The following SLCO1A2 variants were observed in gnomAD, a reference collection of about 807,000 sequenced individuals.
SLCO1A2 encodes solute carrier organic anion transporter family member 1A2, also known as OATP-1.
Under a neutral mutation model 69.0 loss-of-function variants are expected in SLCO1A2, and 67 were observed. That is an observed-to-expected ratio of 0.97 (90% CI 0.80 to 1.19). The LOEUF is 1.19. SLCO1A2 is among the 50% of genes most tolerant of loss of function. SLCO1A2 has a pLI of 0.00. For missense variants in SLCO1A2, 787 were observed against 793.7 expected (o/e 0.99, Z 0.10); for synonymous variants, 260 against 265.9 (o/e 0.98, Z 0.22).
At chr12:21,318,985 G>A in intron 2 of SLCO1A2, 62 bp from the exon 3 acceptor site, 2 of 1,305,556 alleles carry the variant, frequency 1.5e-6, no homozygotes, top group Middle Eastern at 2.7e-4. Context: ...CTTGCCGTCT[G>A]TTGACAAAAT....
At chr12:21,398,198 A>C (rs2137180857), upstream of SLCO1A2, among the ~76,000 whole-genome samples, 1 of 151,064 alleles carries the variant, frequency 6.6e-6, no homozygotes. Flanking sequence ...GGATGTCACC[A>C]CCGATCCCAC....
intron 3 of SLCO1A2, among the ~76,000 whole-genome samples, chr12:21,317,599 G>A (rs369620413): frequency 6.6e-6 from 1 of 152,084 alleles, no homozygotes; most frequent in Non-Finnish European, 1.5e-5. Flanking sequence ...GAGTCAATTC[G>A]TGGGCTATAC....
chr12:21,343,223 T>A (rs891757493), intron 2 of SLCO1A2, among the ~76,000 whole-genome samples: 1 of 152,168 alleles, frequency 6.6e-6, no homozygotes, highest in African/African-American at 2.4e-5. Flanking sequence ...GAGACATGGT[T>A]GCCCATTTTC....
chr12:21,391,465 A>G (rs1941148314), intron 1 of SLCO1A2, among the ~76,000 whole-genome samples: 1 of 152,190 alleles, frequency 6.6e-6, no homozygotes, highest in Non-Finnish European at 1.5e-5. Context: ...AGGAAGGAAA[A>G]ATTATAATCC....
chr12:21,286,909 A>G (rs549871367), intron 12 of SLCO1A2, among the ~76,000 whole-genome samples: 7,125 of 151,718 alleles, frequency 0.047, 552 homozygotes, highest in African/African-American at 0.16. Flanking sequence ...TAAAAACCCT[A>G]GAAGAAAACC....
At chr12:21,378,288 C>T (rs757281888) in intron 1 of SLCO1A2, 1 of 1,614,196 alleles carries the variant, frequency 6.2e-7, no homozygotes, top group South Asian at 1.1e-5. Flanking sequence ...CAACGCAGCG[C>T]CTGGCAAATT....
intron 3 of SLCO1A2, among the ~76,000 whole-genome samples, chr12:21,317,726 T>C (rs1951058234): frequency 6.6e-6 from 1 of 152,176 alleles, no homozygotes; most frequent in Admixed American, 6.5e-5. Flanking sequence ...GTTTTGCTTC[T>C]CCTCAATCCT....
At chr12:21,320,423 C>T (rs548876777) in intron 2 of SLCO1A2, among the ~76,000 whole-genome samples, 128 of 152,240 alleles carry the variant, frequency 8.4e-4, no homozygotes, top group African/African-American at 3.0e-3. Flanking sequence ...GCTCTTGAAT[C>T]CATTCTTCCC....
At chr12:21,277,321 G>C (rs1944046569) in intron 12 of SLCO1A2, among the ~76,000 whole-genome samples, 1 of 151,106 alleles carries the variant, frequency 6.6e-6, no homozygotes, top group African/African-American at 2.4e-5. Context: ...GTCTTGAAGA[G>C]AAGGACTCAG....
At chr12:21,410,358 G>C (rs1446197028) in intron 1 of SLCO1A2, among the ~76,000 whole-genome samples, 1 of 152,138 alleles carries the variant, frequency 6.6e-6, no homozygotes, top group Non-Finnish European at 1.5e-5. Flanking sequence ...TATATAGAGA[G>C]ATCGAGGCTA....
intron 12 of SLCO1A2, among the ~76,000 whole-genome samples, chr12:21,289,848 T>C (rs556558307): frequency 6.6e-6 from 1 of 152,130 alleles, no homozygotes; most frequent in East Asian, 1.9e-4. Context: ...ACCGTTTAAC[T>C]TTTGCCATCT....
intron 12 of SLCO1A2, among the ~76,000 whole-genome samples, chr12:21,277,310 T>C (rs1468046826): frequency 6.7e-6 from 1 of 149,650 alleles, no homozygotes; most frequent in East Asian, 1.9e-4. Context: ...GGGAACCTGC[T>C]GTCTTGAAGA....
intron 2 of SLCO1A2, among the ~76,000 whole-genome samples, chr12:21,370,170 A>G (rs1337089878): frequency 6.6e-6 from 1 of 152,184 alleles, no homozygotes; most frequent in Admixed American, 6.5e-5. Context: ...TGTAACCTTA[A>G]GCAAGTCACT....
upstream of SLCO1A2, among the ~76,000 whole-genome samples, chr12:21,339,297 G>C (rs147783865): frequency 4.1e-3 from 622 of 152,088 alleles, 2 homozygotes; most frequent in Non-Finnish European, 7.5e-3. Flanking sequence ...ATGATAGCTA[G>C]TTAGTGCCAT....
chr12:21,352,865 G>A (rs1043491774), intron 2 of SLCO1A2, among the ~76,000 whole-genome samples: 6 of 152,196 alleles, frequency 3.9e-5, no homozygotes, highest in Non-Finnish European at 5.9e-5. Context: ...ATCTCAGTAA[G>A]CTTGGCCAGT....
chr12:21,413,237 C>CTTTTTTTTTTTT lies in SLCO1A2; in HGVS notation c.-312+4633_-312+4644dup, dbSNP rs3983534. 1.7e-3 allele frequency among the ~76,000 whole-genome samples: 167 copies of CTTTTTTTTTTTT among 99,440 alleles called. 2 individuals are homozygous for CTTTTTTTTTTTT. Among genetic ancestry groups the CTTTTTTTTTTTT allele is most frequent in the Non-Finnish European group, 1.8e-3 (93 of 52,532 alleles). 65.2% of individuals were successfully genotyped at this position (99,440 alleles called of 152,430 possible). On this transcript the variant is annotated intron_variant, in intron 1 of 4. Transcript: ENST00000413682. Reference sequence around the variant, plus strand: ...ACTTTCTTCTTTTCTTTTTCTTTTTCTTTTTTTTTTTTTTTTTTTGAGAAG... The same window carrying CTTTTTTTTTTTT: ...ACTTTCTTCTTTTCTTTTTCTTTTTCTTTTTTTTTTTTTTTTTTTTTTTTTTTTTTTGAGAAG...
At chr12:21,287,987 T>A in intron 12 of SLCO1A2, among the ~76,000 whole-genome samples, 1 of 127,376 alleles carries the variant, frequency 7.9e-6, no homozygotes, top group South Asian at 2.7e-4. Flanking sequence ...AATGTGCACA[T>A]GTACCCTAAA....
chr12:21,409,772 T>C (rs1202479525), intron 1 of SLCO1A2, among the ~76,000 whole-genome samples: 3 of 152,238 alleles, frequency 2.0e-5, no homozygotes, highest in Non-Finnish European at 4.4e-5. Context: ...TTGAGCTGTA[T>C]GGTACACAGT....
intron 3 of SLCO1A2, among the ~76,000 whole-genome samples, chr12:21,316,183 T>C (rs77335871): frequency 0.039 from 5,889 of 152,244 alleles, 463 homozygotes; most frequent in East Asian, 0.35. Context: ...GTTTGAGAAG[T>C]TGTGGTGCCC....
Sources: allele counts gnomAD v4.1 joint callset (sites outside exome capture counted in the v4.1 genomes callset), GRCh38; gene constraint gnomAD v4.1.1; transcripts MANE v1.5; gene names NCBI Gene and HGNC (gene_info 2026-07-23, HGNC 2026-07-21).